The following ABTB3 variants were observed in gnomAD, a reference collection of about 807,000 sequenced individuals.
The protein encoded by ABTB3 is ankyrin repeat- and BTB/POZ domain-containing protein 3.
chr12:107,507,315 T>C, the ABTB3 span, among the ~76,000 whole-genome samples: 1 of 152,054 alleles, frequency 6.6e-6, no homozygotes, highest in African/African-American at 2.4e-5. Flanking sequence ...TTGAGATGTC[T>C]GCCAAGCCAG....
At chr12:107,585,883 C>A in the ABTB3 span, among the ~76,000 whole-genome samples, 1 of 152,192 alleles carries the variant, frequency 6.6e-6, no homozygotes, top group Non-Finnish European at 1.5e-5. Context: ...AGAATTCCAA[C>A]CCTTGGTGTC....
the ABTB3 span, among the ~76,000 whole-genome samples, chr12:107,622,960 G>A: frequency 3.3e-5 from 5 of 152,026 alleles, no homozygotes; most frequent in Admixed American, 1.3e-4. Context: ...TCTAAATTTG[G>A]ACTTCAAATG....
chr12:107,480,763 T>A, the ABTB3 span, among the ~76,000 whole-genome samples: 6 of 152,062 alleles, frequency 3.9e-5, no homozygotes, highest in Non-Finnish European at 5.9e-5. Flanking sequence ...TCATGGGAGA[T>A]GGCCCACTGC....
chr12:107,398,874 A>G, the ABTB3 span, among the ~76,000 whole-genome samples: 1 of 152,180 alleles, frequency 6.6e-6, no homozygotes, highest in African/African-American at 2.4e-5. Flanking sequence ...TAAACCAGTA[A>G]GAGTGCTGGA....
At chr12:107,441,041 C>T in the ABTB3 span, among the ~76,000 whole-genome samples, 15 of 152,248 alleles carry the variant, frequency 9.9e-5, no homozygotes, top group East Asian at 5.8e-4. Context: ...TTGAAATGCC[C>T]GAGCCTGGTG....
At chr12:107,393,074 C>T in the ABTB3 span, among the ~76,000 whole-genome samples, 1 of 152,068 alleles carries the variant, frequency 6.6e-6, no homozygotes, top group Non-Finnish European at 1.5e-5. Context: ...GGGCCTCTGT[C>T]GGTGCTTCTG....
chr12:107,582,202 C>T, the ABTB3 span, among the ~76,000 whole-genome samples: 2 of 152,120 alleles, frequency 1.3e-5, no homozygotes, highest in Admixed American at 6.5e-5. Context: ...ATGCAGAGAG[C>T]GAGTCAAAGT....
the ABTB3 span, among the ~76,000 whole-genome samples, chr12:107,361,885 G>A: frequency 2.0e-5 from 3 of 152,232 alleles, no homozygotes; most frequent in Middle Eastern, 3.4e-3. Context: ...TAGGTCATGA[G>A]GGTGGCATCC....
At chr12:107,418,444 C>A in the ABTB3 span, among the ~76,000 whole-genome samples, 9 of 152,208 alleles carry the variant, frequency 5.9e-5, no homozygotes, top group Non-Finnish European at 1.3e-4. Context: ...CTCTAGAGAA[C>A]CTTGACTAAT....
chr12:107,465,572 C>T, the ABTB3 span, among the ~76,000 whole-genome samples: 5 of 152,168 alleles, frequency 3.3e-5, no homozygotes, highest in East Asian at 1.9e-4. Context: ...ACAGTGTGGG[C>T]GTCCTGCTCA....
At chr12:107,405,921 C>T in the ABTB3 span, among the ~76,000 whole-genome samples, 19 of 152,196 alleles carry the variant, frequency 1.2e-4, no homozygotes, top group African/African-American at 4.6e-4. Context: ...CCTCAGTTTT[C>T]CCATCTGTAA....
the ABTB3 span, chr12:107,610,054 C>A: frequency 2.0e-6 from 2 of 1,001,496 alleles, no homozygotes; most frequent in African/African-American, 1.6e-5. Flanking sequence ...CGGAGGCCAT[C>A]ATTTTAATTG....
the ABTB3 span, among the ~76,000 whole-genome samples, chr12:107,385,317 G>A: frequency 6.7e-6 from 1 of 150,136 alleles, no homozygotes; most frequent in African/African-American, 2.5e-5. Flanking sequence ...GATGAGTGCT[G>A]TGATGAAAAT....
At chr12:107,336,958 T>G in the ABTB3 span, among the ~76,000 whole-genome samples, 1 of 152,250 alleles carries the variant, frequency 6.6e-6, no homozygotes, top group Non-Finnish European at 1.5e-5. Flanking sequence ...GCTGGGAGTC[T>G]TCCTGCATAT....
chr12:107,537,156 T>C, the ABTB3 span, among the ~76,000 whole-genome samples: 1 of 148,988 alleles, frequency 6.7e-6, no homozygotes, highest in African/African-American at 2.5e-5. Flanking sequence ...ATCTTCTTTG[T>C]ATATGGAATC....
At chr12:107,559,384 A>G in the ABTB3 span, among the ~76,000 whole-genome samples, 1 of 151,190 alleles carries the variant, frequency 6.6e-6, no homozygotes, top group Non-Finnish European at 1.5e-5. Context: ...AGGGGGAAAA[A>G]ACAACATTAG....
chr12:107,362,454 G>A, the ABTB3 span, among the ~76,000 whole-genome samples: 52 of 152,298 alleles, frequency 3.4e-4, no homozygotes, highest in African/African-American at 1.2e-3. Context: ...CCTCCACGTG[G>A]CAGGAAACAT....
chr12:107,331,458 G>T, the ABTB3 span, among the ~76,000 whole-genome samples: 1 of 152,234 alleles, frequency 6.6e-6, no homozygotes, highest in Non-Finnish European at 1.5e-5. Context: ...AGACTGCGGG[G>T]TGAGGTCCAG....
the ABTB3 span, among the ~76,000 whole-genome samples, chr12:107,393,106 A>G: frequency 0.76 from 115,442 of 152,180 alleles, 44,112 homozygotes; most frequent in Non-Finnish European, 0.81. Flanking sequence ...GAAGAAGCCA[A>G]TGATTTATAC....
Sources: allele counts gnomAD v4.1 joint callset (sites outside exome capture counted in the v4.1 genomes callset), GRCh38; gene constraint gnomAD v4.1.1; transcripts MANE v1.5; gene names NCBI Gene and HGNC (gene_info 2026-07-23, HGNC 2026-07-21).